The following SMARCC1 variants were observed in gnomAD, a reference collection of about 807,000 sequenced individuals.
SMARCC1 encodes the protein SWI/SNF complex subunit SMARCC1.
SMARCC1 carries 43 observed loss-of-function variants against 147.4 expected under a neutral mutation model. The observed-to-expected ratio is 0.29, with a 90% CI of 0.23 to 0.38. The LOEUF is 0.38. Among genes scored for constraint, SMARCC1 ranks in the 10% least tolerant of loss-of-function variants. SMARCC1 has a pLI of 1.00. For missense variants in SMARCC1, 1,119 were observed against 1,381.1 expected, an observed-to-expected ratio of 0.81 and a Z score of 3.01; for synonymous variants, 495 against 484.4, an observed-to-expected ratio of 1.02 and a Z score of -0.29.
chr3:47,680,544 C>CATT, intron 14 of SMARCC1, 36 bp from the exon 15 acceptor site: 2 of 363,986 alleles, frequency 5.5e-6, no homozygotes, highest in South Asian at 2.5e-5. Flanking sequence ...TAGGAGTGTT[C>CATT]TTTTTTTTTT....
chr3:47,686,666 C>T (rs551746956), intron 13 of SMARCC1, among the ~76,000 whole-genome samples: 3 of 151,986 alleles, frequency 2.0e-5, no homozygotes, highest in Admixed American at 2.0e-4. Context: ...TTATTTGTAA[C>T]CTAATGAAAT....
intron 5 of SMARCC1, among the ~76,000 whole-genome samples, chr3:47,729,686 A>C (rs2034345798): frequency 6.6e-6 from 1 of 152,202 alleles, no homozygotes; most frequent in African/African-American, 2.4e-5. Context: ...GTGTTCAGTC[A>C]GGTACTATTA....
At chr3:47,749,145 A>T (rs1478163455) in intron 2 of SMARCC1, among the ~76,000 whole-genome samples, 1 of 151,968 alleles carries the variant, frequency 6.6e-6, no homozygotes, top group Non-Finnish European at 1.5e-5. Flanking sequence ...TCTACCAAAA[A>T]ATACAAAAAT....
At chr3:47,693,601 T>G (rs996093953) in intron 11 of SMARCC1, among the ~76,000 whole-genome samples, 1 of 152,190 alleles carries the variant, frequency 6.6e-6, no homozygotes, top group Admixed American at 6.5e-5. Context: ...TTATGATGCA[T>G]TTGTTTTGAT....
intron 2 of SMARCC1, among the ~76,000 whole-genome samples, chr3:47,761,136 A>AAAAG (rs1553691546): frequency 1.3e-5 from 2 of 149,764 alleles, no homozygotes; most frequent in Admixed American, 6.7e-5. Context: ...CTGTCTAAAA[A>AAAAG]AAAAGAAAAG....
intron 19 of SMARCC1, chr3:47,663,864 C>A: frequency 6.5e-7 from 1 of 1,539,282 alleles, no homozygotes; most frequent in East Asian, 2.2e-5. Flanking sequence ...ACCTGGATCG[C>A]CGCCCAGGGT....
At chr3:47,732,709 A>G (rs1481424455) in intron 5 of SMARCC1, among the ~76,000 whole-genome samples, 10 of 152,214 alleles carry the variant, frequency 6.6e-5, no homozygotes, top group Non-Finnish European at 1.3e-4. Context: ...GAACACATAC[A>G]TTTATCAATT....
chr3:47,596,063 A>T (rs901412187), intron 26 of SMARCC1, among the ~76,000 whole-genome samples: 3 of 138,860 alleles, frequency 2.2e-5, no homozygotes, highest in African/African-American at 7.5e-5. Context: ...CCAAAAACAA[A>T]AACAAAAACA....
intron 24 of SMARCC1, among the ~76,000 whole-genome samples, chr3:47,632,294 A>C (rs2032902084): frequency 6.6e-6 from 1 of 152,092 alleles, no homozygotes; most frequent in Non-Finnish European, 1.5e-5. Flanking sequence ...GGATTTGTGA[A>C]ACTTAAAAAA....
intron 24 of SMARCC1, among the ~76,000 whole-genome samples, chr3:47,622,635 G>A (rs901566386): frequency 2.0e-5 from 3 of 152,098 alleles, no homozygotes; most frequent in Non-Finnish European, 2.9e-5. Flanking sequence ...GAGGACAGGA[G>A]GTACTTTGCC....
In SMARCC1 at chr3:47,661,424, T is replaced by G; in HGVS notation, c.2190A>C (p.Pro730=). The change falls in exon 21 of 28, where the codon CCA becomes CCC. Residue 730 remains proline, a synonymous_variant. Coordinates refer to ENST00000254480, the MANE Select transcript of SMARCC1 (RefSeq NM_003074.4). ...TGACATGAGCTTCAACCAATTCCAG[T>G]GGTACCTCCTCCCGGACCCGAGAAA... is the stretch of plus-strand genomic sequence containing the variant. The part of the protein sequence containing the change: ...EEFSRVREEV[P]LELVEAHVKK... The G allele has an allele frequency of 6.2e-7, 1 of 1,612,074 alleles. No homozygotes were observed. The highest frequency in any genetic ancestry group is 2.2e-5 in the East Asian group (1 of 44,826).
In SMARCC1 at chr3:47,755,769, G is replaced by A. The variant is rs972672832; in HGVS notation, c.316-9776C>T. On this transcript the variant is annotated intron_variant, in intron 2 of 27. Transcript: ENST00000254480. ...GCACTTTGGGAGGCCGAGGCGGGCCGATCACAAGGTCAGGAGTTCGAGACC... is the reference window on the plus strand; with the variant it reads ...GCACTTTGGGAGGCCGAGGCGGGCCAATCACAAGGTCAGGAGTTCGAGACC... Among the ~76,000 whole-genome samples, 10 of 151,566 alleles carry A rather than the reference G, an allele frequency of 6.6e-5. No individual in the cohort carries two copies. In the South Asian group the frequency reaches 1.3e-3, roughly 19 times the overall value.
At chr3:47,610,433 ACT>A in intron 25 of SMARCC1, 106 bp from the exon 26 acceptor site, 1 of 1,152,246 alleles carries the variant, frequency 8.7e-7, no homozygotes, top group African/African-American at 1.5e-5. Context: ...ATCCCATCAC[ACT>A]GACATCACCA....
intron 2 of SMARCC1, among the ~76,000 whole-genome samples, chr3:47,771,475 C>G (rs897612223): frequency 6.6e-6 from 1 of 152,170 alleles, no homozygotes; most frequent in Admixed American, 6.6e-5. Context: ...AGGCTGGGCA[C>G]AGTGGCTCCC....
chr3:47,721,692 A>G (rs1315485690), intron 6 of SMARCC1, among the ~76,000 whole-genome samples: 2 of 152,070 alleles, frequency 1.3e-5, no homozygotes, highest in Admixed American at 1.3e-4. Flanking sequence ...GAAGTATACA[A>G]TGACTCACCT....
Position 47,672,686 on chromosome 3 carries a change from T to C in SMARCC1, c.1840-1969A>G, listed in dbSNP as rs79014548. Among the ~76,000 whole-genome samples, 84 of 152,296 alleles carry C rather than the reference T, an allele frequency of 5.5e-4. 1 individual carries two copies. In the East Asian group the frequency reaches 0.016, roughly 29 times the overall value. ...TCTACAACCTAGACACAGACATTTA[T>C]AGGATAGGTCCTCAACAACCATTTC... On this transcript the variant is annotated intron_variant, in intron 18 of 27. Coordinates refer to ENST00000254480, the MANE Select transcript of SMARCC1 (RefSeq NM_003074.4).
In SMARCC1 at chr3:47,693,178, T is replaced by C. The variant is rs1432982859; in HGVS notation, c.1225+63A>G. 4 of 952,320 alleles carry C rather than the reference T, an allele frequency of 4.2e-6. No individual in the cohort carries two copies. In the African/African-American group the frequency reaches 6.5e-5, roughly 15 times the overall value. The allele number at this position is 952,320 out of a possible 1,614,324, so 59.0% of individuals were successfully genotyped here. A position where few individuals can be genotyped will look rare whatever the true frequency, so the allele number is the denominator to read the frequency against. On this transcript the variant is annotated intron_variant, in intron 12 of 27. Transcript: ENST00000254480. ...AACAAGACCTTGGAAGAATAGACTA[T>C]CAAAGGAGATGACATATTCAAGACA...
intron 7 of SMARCC1, among the ~76,000 whole-genome samples, chr3:47,718,925 A>T (rs964590943): frequency 2.2e-4 from 33 of 151,518 alleles, no homozygotes; most frequent in South Asian, 4.2e-4. Flanking sequence ...ATTAAAAAAA[A>T]TTTTTTTTTG....
intron 2 of SMARCC1, among the ~76,000 whole-genome samples, chr3:47,765,119 C>T (rs1031601905): frequency 7.2e-5 from 11 of 152,068 alleles, no homozygotes; most frequent in Admixed American, 6.6e-4. Context: ...GGCGTGGTGG[C>T]GCATGCCTGT....
Sources: allele counts gnomAD v4.1 joint callset (sites outside exome capture counted in the v4.1 genomes callset), GRCh38; gene constraint gnomAD v4.1.1; transcripts MANE v1.5; gene names NCBI Gene and HGNC (gene_info 2026-07-23, HGNC 2026-07-21).